The following ITGA2 variants were observed in gnomAD, a reference collection of about 807,000 sequenced individuals.
ITGA2 encodes the protein integrin alpha-2.
In ITGA2, 101 loss-of-function variants were observed where a neutral mutation model predicts 146.3. The ratio of observed to expected loss-of-function variants is 0.69; its 90% CI spans 0.59 to 0.81. The LOEUF (loss-of-function observed/expected upper bound fraction) is 0.81. Among genes scored for constraint, ITGA2 ranks in the 40% least tolerant of loss-of-function variants. The pLI, the probability that ITGA2 is intolerant of heterozygous loss-of-function variation, is 0.00. For synonymous variants in ITGA2, 477 were observed against 487.1 expected, an observed-to-expected ratio of 0.98 and a Z score of 0.27; for missense variants, 1,281 against 1,402.7, an observed-to-expected ratio of 0.91 and a Z score of 1.39.
At chr5:53,012,061 CATT>C (rs1176694108) in intron 1 of ITGA2, among the ~76,000 whole-genome samples, 1 of 152,090 alleles carries the variant, frequency 6.6e-6, no homozygotes, top group African/African-American at 2.4e-5. Context: ...TGTAAAATAT[CATT>C]ATAGTCTTAG....
chr5:53,026,042 C>T (rs1216620841), intron 1 of ITGA2, among the ~76,000 whole-genome samples: 2 of 152,170 alleles, frequency 1.3e-5, no homozygotes, highest in African/African-American at 4.8e-5. Flanking sequence ...TAGCATTTCT[C>T]AATCATTCAG....
intron 17 of ITGA2, among the ~76,000 whole-genome samples, chr5:53,071,704 C>G (rs540654550): frequency 6.6e-6 from 1 of 151,944 alleles, no homozygotes; most frequent in Non-Finnish European, 1.5e-5. Flanking sequence ...CAAATTCTTA[C>G]TAGACCCAAG....
chr5:52,989,571 A>C, intron 1 of ITGA2, 39 bp downstream of exon 1: 1 of 1,609,898 alleles, frequency 6.2e-7, no homozygotes, highest in South Asian at 1.1e-5. Flanking sequence ...TGCAGGAGGG[A>C]CCCGCGCGGC....
intron 27 of ITGA2, among the ~76,000 whole-genome samples, chr5:53,083,780 G>A (rs1472551393): frequency 6.6e-6 from 1 of 152,096 alleles, no homozygotes; most frequent in Non-Finnish European, 1.5e-5. Flanking sequence ...CCCCTCTAGG[G>A]GTTCCTCCAC....
Position 53,075,310 on chromosome 5 carries a change from T to A in ITGA2, c.2825+6T>A, listed in dbSNP as rs1745612103. ...GCTGAAATTCACTTAACAAGGTAGG[T>A]GAAGCAGTGGGTAACCTGCTATCAC... On this transcript the variant is annotated splice_donor_region_variant and intron_variant, in intron 23 of 29. Transcript: ENST00000296585. 1.1e-5 allele frequency: 18 copies of A among 1,611,014 alleles called. No individual in the cohort carries two copies. Among genetic ancestry groups the A allele is most frequent in the Non-Finnish European group, 1.3e-5 (15 of 1,178,156 alleles).
chr5:53,002,481 A>T (rs944253673), intron 1 of ITGA2, among the ~76,000 whole-genome samples: 1 of 152,200 alleles, frequency 6.6e-6, no homozygotes, highest in Non-Finnish European at 1.5e-5. Context: ...TACTCACTAT[A>T]TGCAAATGAA....
intron 1 of ITGA2, among the ~76,000 whole-genome samples, chr5:52,997,742 G>A (rs1186746692): frequency 6.6e-6 from 1 of 152,148 alleles, no homozygotes; most frequent in African/African-American, 2.4e-5. Context: ...AGTTGCCTTC[G>A]AGTCCTTTAG....
chr5:53,083,801 C>T (rs889975037), intron 27 of ITGA2, among the ~76,000 whole-genome samples: 3 of 152,210 alleles, frequency 2.0e-5, no homozygotes, highest in Admixed American at 2.0e-4. Context: ...TCTCCATCTT[C>T]CCAGTCTCCT....
chr5:52,998,907 A>G (rs1385439118), intron 1 of ITGA2, among the ~76,000 whole-genome samples: 1 of 152,252 alleles, frequency 6.6e-6, no homozygotes, highest in Non-Finnish European at 1.5e-5. Flanking sequence ...TCCAATTAGT[A>G]TATGCAAAAA....
chr5:53,062,468 G>C (rs964665516), intron 12 of ITGA2, among the ~76,000 whole-genome samples: 9 of 151,814 alleles, frequency 5.9e-5, no homozygotes, highest in African/African-American at 1.9e-4. Context: ...AGAAACACCT[G>C]GAATGCTAAT....
chr5:53,045,254 T>C (rs1482054277), intron 4 of ITGA2, among the ~76,000 whole-genome samples, 162 bp downstream of exon 4: 1 of 152,188 alleles, frequency 6.6e-6, no homozygotes, highest in African/African-American at 2.4e-5. Context: ...TTCAAAATAA[T>C]GTTGATGTGT....
At position 53,074,412 on chromosome 5, in the gene ITGA2, G is replaced by A. The variant is rs1382626400; in HGVS notation, c.2599G>A (p.Val867Met). 2.5e-6 allele frequency: 4 copies of A among 1,612,270 alleles called. No individual in the cohort carries two copies. Among genetic ancestry groups the A allele is most frequent in the Non-Finnish European group, 3.4e-6 (4 of 1,178,982 alleles). The change falls in exon 21 of 30, where the codon GTG (valine) becomes ATG (methionine). Residue 867 changes from valine to methionine, a missense_variant. Physicochemically the swap from Val to Met is conservative, Grantham distance 21. This residue lies in a region of ITGA2 where 475 missense variants were observed against 530.5 expected (regional missense o/e 0.90). Coordinates refer to ENST00000296585, the MANE Select transcript of ITGA2 (RefSeq NM_002203.4). ...TGATGGGACAGAAGTAACATGCCAG[G>A]TGGCTGCATCTCAGAAGTCTGTTGC... ...PVDGTEVTCQVAASQKSVACD... is the reference protein window; with the variant it reads ...PVDGTEVTCQMAASQKSVACD...
intron 14 of ITGA2, among the ~76,000 whole-genome samples, chr5:53,065,402 A>G (rs1745099852): frequency 6.6e-6 from 1 of 151,982 alleles, no homozygotes; most frequent in Non-Finnish European, 1.5e-5. Context: ...CCAGATAGTA[A>G]TAAAGGAATT....
chr5:53,003,796 C>T (rs3212663), intron 1 of ITGA2, among the ~76,000 whole-genome samples: 3,833 of 152,066 alleles, frequency 0.025, 65 homozygotes, highest in Non-Finnish European at 0.036. Context: ...GGTCCTCGAC[C>T]ATTCATTGTT....
chr5:53,056,993 T>G (rs752153861), intron 9 of ITGA2, among the ~76,000 whole-genome samples: 2 of 151,966 alleles, frequency 1.3e-5, no homozygotes, highest in African/African-American at 2.4e-5. Context: ...AAATCTTGAT[T>G]TGATTATCCA....
In ITGA2 at chr5:53,048,699, C is replaced by A. The variant is rs1246778369; in HGVS notation, c.559C>A (p.Pro187Thr). The change falls in exon 6 of 30, where the codon CCT (proline) becomes ACT (threonine). Residue 187 changes from proline (P) to threonine (T), a missense_variant. Around this residue, in one of 3 missense-constraint regions of ITGA2, gnomAD observed 795 missense variants for 841.7 expected, o/e 0.94. Coordinates refer to ENST00000296585, the MANE Select transcript of ITGA2 (RefSeq NM_002203.4). ...GTGTGATGAATCAAATAGTATTTAT[C>A]CTTGGGATGCAGTAAAGAATTTTTT... ...VVCDESNSIY[P>T]WDAVKNFLEK... 6.2e-7 allele frequency: 1 copy of A among 1,613,868 alleles called. No homozygotes were observed. Among genetic ancestry groups the A allele is most frequent in the Non-Finnish European group, 8.5e-7 (1 of 1,179,934 alleles).
At position 53,058,008 on chromosome 5, in the gene ITGA2, A is replaced by T; in HGVS notation, c.1097-17A>T. On this transcript the variant is annotated splice_polypyrimidine_tract_variant and intron_variant, in intron 9 of 29. Transcript: ENST00000296585. ...AATTACTGACAGTAATACAATTTTTAAAATTGAATGTTCCAGGTACTGTTC... is the reference window on the plus strand; with the variant it reads ...AATTACTGACAGTAATACAATTTTTTAAATTGAATGTTCCAGGTACTGTTC... The T allele has an allele frequency of 6.3e-7, 1 of 1,597,004 alleles. No homozygotes were observed.
intron 10 of ITGA2, 110 bp from the exon 11 acceptor site, chr5:53,059,764 T>C (rs574038639): frequency 1.0e-6 from 1 of 998,208 alleles, no homozygotes; most frequent in Admixed American, 2.0e-5. Context: ...CATATATATT[T>C]CATCATTTTT....
chr5:53,015,629 G>T (rs1465660446), intron 1 of ITGA2, among the ~76,000 whole-genome samples: 1 of 151,992 alleles, frequency 6.6e-6, no homozygotes, highest in Non-Finnish European at 1.5e-5. Context: ...TGTCAATCAG[G>T]TCCTAAATAT....
Sources: allele counts gnomAD v4.1 joint callset (sites outside exome capture counted in the v4.1 genomes callset), GRCh38; gene constraint gnomAD v4.1.1; regional missense constraint gnomAD v4.1.1; transcripts MANE v1.5; gene names NCBI Gene and HGNC (gene_info 2026-07-23, HGNC 2026-07-21).